REST: variants seen among roughly 807,000 people sequenced by gnomAD.
REST encodes RE1 silencing transcription factor.
REST carries 1 observed loss-of-function variant against 30.4 expected under a neutral mutation model. The observed-to-expected ratio is 0.03, with a 90% CI of 0.01 to 0.16. The LOEUF (loss-of-function observed/expected upper bound fraction) is 0.16, where lower values mean the gene tolerates loss of function less well. Among genes scored for constraint, REST ranks in the 10% least tolerant of loss-of-function variants. The probability of loss-of-function intolerance (pLI) is 1.00; values close to 1 mark genes in which losing one functional copy is unlikely to be tolerated. For missense variants in REST, 1,259 were observed against 1,329.5 expected, an observed-to-expected ratio of 0.95 and a Z score of 0.82; for synonymous variants, 504 against 451.1, an observed-to-expected ratio of 1.12 and a Z score of -1.49.
In REST at chr4:56,930,226, T is replaced by C; in HGVS notation, c.1368T>C (p.Asp456=). 1 of 1,607,194 alleles carries C rather than the reference T, an allele frequency of 6.2e-7. No homozygotes were observed. Among genetic ancestry groups the C allele is most frequent in the East Asian group, 2.2e-5 (1 of 44,846 alleles). ...TEIEQTKIKG[D]VAGKKNEKSV... is the part of the protein sequence containing the mutation. ...TAGAACAAACAAAAATAAAAGGGGA[T>C]GTGGCTGGAAAGAAAAATGAAAAGT... The change falls in exon 4 of 4, where the codon GAT becomes GAC. Residue 456 remains aspartate (D), a synonymous_variant. Coordinates refer to ENST00000309042, the MANE Select transcript of REST (RefSeq NM_005612.5).
At chr4:56,922,268 A>G (rs1326627872) in intron 3 of REST, 1 of 144,320 alleles carries the variant, frequency 6.9e-6, no homozygotes, top group Non-Finnish European at 1.5e-5. Context: ...AAAATATTTG[A>G]GAGCTTTGTA....
chr4:56,924,208 A>G (rs906191130), intron 3 of REST, among the ~76,000 whole-genome samples: 1 of 152,166 alleles, frequency 6.6e-6, no homozygotes, highest in African/African-American at 2.4e-5. Flanking sequence ...AGGGACTTTT[A>G]AATAGCTGGG....
chr4:56,930,854 C>T lies in REST; in HGVS notation c.1996C>T (p.Leu666=), dbSNP rs753787437. The change falls in exon 4 of 4, where the codon CTG becomes TTG. Residue 666 remains leucine, a synonymous_variant. Transcript: ENST00000309042. ...TCAGGAGGGGCCTGCTCAGAAGGAG[C>T]TGCTGCCTCCCGTGGAGCCTGCTCA... ...VVQEGPAQKE[L]LPPVEPAQMV... 336 of 1,613,304 alleles carry T rather than the reference C, an allele frequency of 2.1e-4. 4 individuals carry two copies. The Admixed American group carries it at 5.6e-3, about 27-fold the overall frequency.
At chr4:56,911,674 G>A (rs147070916) in intron 2 of REST, 138 bp downstream of exon 2, 2 of 685,130 alleles carry the variant, frequency 2.9e-6, no homozygotes, top group Non-Finnish European at 4.9e-6. Flanking sequence ...CCTTGCACAA[G>A]TTGTTTAACC....
At position 56,930,311 on chromosome 4, in the gene REST, G is replaced by C; in HGVS notation, c.1453G>C (p.Val485Leu). ...KEKKPSNNVSVIQVTTRTRKS... is the reference protein window; with the variant it reads ...KEKKPSNNVSLIQVTTRTRKS... ...GAAAAAGCCTTCTAATAATGTGTCA[G>C]TGATCCAGGTGACTACCAGAACTCG... is the stretch of plus-strand genomic sequence containing the variant. The change falls in exon 4 of 4, where the codon GTG (valine) becomes CTG (leucine). Residue 485 changes from valine (V) to leucine (L), a missense_variant. Val to Leu is a conservative substitution (Grantham distance 32, BLOSUM62 1). This residue lies in a region of REST where 856 missense variants were observed against 772.8 expected (regional missense o/e 1.11). Coordinates refer to ENST00000309042, the MANE Select transcript of REST (RefSeq NM_005612.5). 1 of 1,614,092 alleles carries C rather than the reference G, an allele frequency of 6.2e-7. No individual in the cohort carries two copies. Among genetic ancestry groups the C allele is most frequent in the Non-Finnish European group, 8.5e-7 (1 of 1,180,024 alleles).
chr4:56,925,590 A>G (rs941385101), intron 3 of REST, among the ~76,000 whole-genome samples: 1 of 152,236 alleles, frequency 6.6e-6, no homozygotes, highest in Non-Finnish European at 1.5e-5. Flanking sequence ...GCTTACACCT[A>G]TAAATTCATT....
Position 56,929,917 on chromosome 4 carries a change from G to A in REST, c.1059G>A (p.Gln353=). 6.2e-7 allele frequency: 1 copy of A among 1,614,170 alleles called. No individual in the cohort carries two copies. Among genetic ancestry groups the A allele is most frequent in the Non-Finnish European group, 8.5e-7 (1 of 1,180,038 alleles). Residue 353 remains glutamine (Q), a synonymous_variant, in exon 4 of 4, where the codon CAG becomes CAA. Coordinates refer to ENST00000309042, the MANE Select transcript of REST (RefSeq NM_005612.5). ...ATGAAGTAACCCGCCATGCAAGACA[G>A]GTTCACAATGGGCCTAAACCTCTTA... ...NQHEVTRHAR[Q]VHNGPKPLNC...
Position 56,933,002 on chromosome 4 carries a change from G to A in REST, c.*850G>A, listed in dbSNP as rs1721027578. 6.6e-6 allele frequency: 1 copy of A among 152,142 alleles called. No individual in the cohort carries two copies. Among genetic ancestry groups the A allele is most frequent in the African/African-American group, 2.4e-5 (1 of 41,428 alleles). 9.4% of individuals were successfully genotyped at this position (152,142 alleles called of 1,614,324 possible). ...TTTTGCAGAATAATAGTGTGTGCAAGTTTGTGAGCAAATGAAATATGCAGG... is the reference window on the plus strand; with the variant it reads ...TTTTGCAGAATAATAGTGTGTGCAAATTTGTGAGCAAATGAAATATGCAGG... On this transcript the variant is annotated 3_prime_UTR_variant, in exon 4 of 4. Coordinates refer to ENST00000309042, the MANE Select transcript of REST (RefSeq NM_005612.5).
Position 56,930,018 on chromosome 4 carries a change from G to A in REST, c.1160G>A (p.Arg387Gln). The change falls in exon 4 of 4, where the codon CGG becomes CAG. Residue 387 changes from arginine (R) to glutamine (Q), a missense_variant. This residue lies in a region of REST where 125 missense variants were observed against 255.4 expected (regional missense o/e 0.49). Transcript: ENST00000309042. ...CATGTAGAGCTACATGTGAACCCAC[G>A]GCAGTTCAATTGCCCTGTATGTGAC... is the stretch of plus-strand genomic sequence containing the variant. ...KKHVELHVNP[R>Q]QFNCPVCDYA... 6.2e-7 allele frequency: 1 copy of A among 1,614,144 alleles called. No homozygotes were observed. The highest frequency in any genetic ancestry group is 8.5e-7 in the Non-Finnish European group (1 of 1,180,040).
At chr4:56,927,684 G>A (rs1424953836) in intron 3 of REST, 2 of 1,178,234 alleles carry the variant, frequency 1.7e-6, no homozygotes, top group South Asian at 2.8e-5. Context: ...CAGGTAGAAT[G>A]TATTACTCTT....
intron 2 of REST, among the ~76,000 whole-genome samples, chr4:56,916,250 T>C (rs1255436110): frequency 6.6e-6 from 1 of 152,260 alleles, no homozygotes. Context: ...AAATCTACTT[T>C]TAAAGAAAAC....
chr4:56,930,344 G>C lies in REST; in HGVS notation c.1486G>C (p.Val496Leu), dbSNP rs1301654600. ...IQVTTRTRKS[V>L]TEVKEMDVHT... ...GGTGACTACCAGAACTCGAAAATCA[G>C]TAACAGAGGTGAAAGAGATGGATGT... The change falls in exon 4 of 4, where the codon GTA becomes CTA. Residue 496 changes from valine (V) to leucine (L), a missense_variant. Around this residue, in one of 5 missense-constraint regions of REST, gnomAD observed 856 missense variants for 772.8 expected, o/e 1.11. Transcript: ENST00000309042. The C allele has an allele frequency of 6.2e-7, 1 of 1,614,102 alleles. No homozygotes were observed. Among genetic ancestry groups the C allele is most frequent in the Non-Finnish European group, 8.5e-7 (1 of 1,180,018 alleles).
At chr4:56,928,696 G>A (rs1056207724) in intron 3 of REST, among the ~76,000 whole-genome samples, 5 of 151,576 alleles carry the variant, frequency 3.3e-5, no homozygotes, top group Non-Finnish European at 4.4e-5. Flanking sequence ...AGCAATTCTC[G>A]TGTCTCAGCC....
At chr4:56,925,538 C>T (rs971737809) in intron 3 of REST, among the ~76,000 whole-genome samples, 8 of 152,082 alleles carry the variant, frequency 5.3e-5, no homozygotes. Flanking sequence ...ATTTTTGATA[C>T]GTATGTGTAA....
At chr4:56,920,380 A>G (rs1449569538) in intron 3 of REST, among the ~76,000 whole-genome samples, 2 of 149,984 alleles carry the variant, frequency 1.3e-5, no homozygotes, top group Non-Finnish European at 3.0e-5. Flanking sequence ...TAGGATGCCA[A>G]TTTATTAAGC....
chr4:56,919,865 A>G lies in REST; in HGVS notation c.977A>G (p.His326Arg). ...CATCTAACTAGACATATGCGTACTC[A>G]TTCAGGTTGGTAAGAAATTGGAACT... The part of the protein sequence containing the change: ...KTHLTRHMRT[H>R]SGEKPFKCDQ... The change falls in exon 3 of 4, where the codon CAT becomes CGT. Residue 326 changes from histidine (H) to arginine (R), a missense_variant. This residue lies in a region of REST where 125 missense variants were observed against 255.4 expected (regional missense o/e 0.49). Coordinates refer to ENST00000309042, the MANE Select transcript of REST (RefSeq NM_005612.5). 6.4e-7 allele frequency: 1 copy of G among 1,556,044 alleles called. No individual in the cohort carries two copies. The highest frequency in any genetic ancestry group is 1.8e-5 in the Admixed American group (1 of 56,894).
intron 3 of REST, chr4:56,927,654 G>T: frequency 8.1e-7 from 1 of 1,239,238 alleles, no homozygotes; most frequent in Admixed American, 2.6e-5. Flanking sequence ...ACTAGAGTGT[G>T]ATCTAGATGG....
chr4:56,908,982 C>G (rs1163626598), intron 1 of REST: 1 of 151,788 alleles, frequency 6.6e-6, no homozygotes, highest in African/African-American at 2.4e-5. Flanking sequence ...TTGGGCGAGC[C>G]CCGGGGCGGT....
rs1393494314 is a variant in REST at position 56,931,447 on chromosome 4, A to G, written c.2589A>G (p.Pro863=). The G allele has an allele frequency of 1.9e-6, 3 of 1,614,216 alleles. No individual in the cohort carries two copies. In the South Asian group the frequency reaches 3.3e-5, roughly 18 times the overall value. ...TAAGCACAGAGGATCTCTCACCACC[A>G]TCACCACCACTGCCAAAGGAAAATT... is the stretch of plus-strand genomic sequence containing the variant. ...ESVSTEDLSP[P]SPPLPKENLR... Residue 863 remains proline, a synonymous_variant, in exon 4 of 4, where the codon CCA becomes CCG. Coordinates refer to ENST00000309042, the MANE Select transcript of REST (RefSeq NM_005612.5).
Sources: allele counts gnomAD v4.1 joint callset (sites outside exome capture counted in the v4.1 genomes callset), GRCh38; gene constraint gnomAD v4.1.1; regional missense constraint gnomAD v4.1.1; transcripts MANE v1.5; gene names NCBI Gene and HGNC (gene_info 2026-07-23, HGNC 2026-07-21).